RAB27B: variants seen among roughly 807,000 people sequenced by gnomAD.
RAB27B encodes the protein RAB27B, member RAS oncogene family.
In RAB27B, 15 loss-of-function variants were observed where a neutral mutation model predicts 24.6. The ratio of observed to expected loss-of-function variants is 0.61; its 90% CI spans 0.41 to 0.94. The LOEUF is 0.94. Ranked by LOEUF, RAB27B falls within the 40% of genes least tolerant of loss-of-function variation. The pLI is 0.00. For missense variants in RAB27B, 261 were observed against 266.8 expected (o/e 0.98, Z 0.15); for synonymous variants, 105 against 92.5 (o/e 1.14, Z -0.78).
At chr18:54,863,170 A>G (rs186464695) in intron 1 of RAB27B, among the ~76,000 whole-genome samples, 21 of 152,312 alleles carry the variant, frequency 1.4e-4, no homozygotes, top group Admixed American at 1.2e-3. Context: ...ACAGTACCTG[A>G]TTAAGTATAT....
At chr18:54,796,575 C>T (rs181040732) in intron 2 of RAB27B, among the ~76,000 whole-genome samples, 16 of 152,300 alleles carry the variant, frequency 1.1e-4, no homozygotes, top group Admixed American at 2.0e-4. Flanking sequence ...ACTCCCCCCT[C>T]TCTCTTACTC....
At chr18:54,744,792 C>T in intron 2 of RAB27B, 1 of 180,544 alleles carries the variant, frequency 5.5e-6, no homozygotes, top group Non-Finnish European at 1.2e-5. Context: ...AGGAGGATGT[C>T]CTCAAATTTC....
chr18:54,807,829 C>T (rs1368214311), intron 2 of RAB27B, among the ~76,000 whole-genome samples: 2 of 152,112 alleles, frequency 1.3e-5, no homozygotes, highest in Non-Finnish European at 2.9e-5. Context: ...TGTGTCTGAG[C>T]TAGAAGAAAA....
At chr18:54,861,306 T>C (rs2145237436) in intron 1 of RAB27B, among the ~76,000 whole-genome samples, 1 of 152,360 alleles carries the variant, frequency 6.6e-6, no homozygotes, top group Non-Finnish European at 1.5e-5. Context: ...AATCTTTTTC[T>C]TTATGGAGAC....
At chr18:54,786,175 T>A (rs1342179096) in intron 2 of RAB27B, among the ~76,000 whole-genome samples, 2 of 152,222 alleles carry the variant, frequency 1.3e-5, no homozygotes, top group Non-Finnish European at 2.9e-5. Context: ...GTTAGTGAAA[T>A]GTCTGAGAAA....
At chr18:54,768,224 A>T (rs910445179) in intron 2 of RAB27B, among the ~76,000 whole-genome samples, 3 of 152,146 alleles carry the variant, frequency 2.0e-5, no homozygotes, top group Non-Finnish European at 2.9e-5. Flanking sequence ...GGATTAGAGA[A>T]TGAGGTGTGT....
At chr18:54,782,560 T>C (rs954682063) in intron 2 of RAB27B, among the ~76,000 whole-genome samples, 8 of 151,402 alleles carry the variant, frequency 5.3e-5, no homozygotes, top group African/African-American at 2.0e-4. Context: ...CCTTATTGGC[T>C]ATTCTGATAT....
intron 2 of RAB27B, among the ~76,000 whole-genome samples, chr18:54,800,063 A>G (rs1031009506): frequency 6.6e-6 from 1 of 152,144 alleles, no homozygotes; most frequent in African/African-American, 2.4e-5. Flanking sequence ...GACTTAACTA[A>G]CTGTCCCTCA....
chr18:54,794,275 GTCT>G (rs1909344693), intron 2 of RAB27B, among the ~76,000 whole-genome samples: 1 of 152,118 alleles, frequency 6.6e-6, no homozygotes, highest in Non-Finnish European at 1.5e-5. Flanking sequence ...GCACACTCTA[GTCT>G]TCTTAGAACT....
At chr18:54,719,782 C>T (rs927483043) in intron 2 of RAB27B, among the ~76,000 whole-genome samples, 2 of 151,940 alleles carry the variant, frequency 1.3e-5, no homozygotes, top group African/African-American at 2.4e-5. Flanking sequence ...TTTTAAAATG[C>T]TTCCTATATT....
chr18:54,829,673 A>T (rs1268827597), intron 1 of RAB27B, among the ~76,000 whole-genome samples: 2 of 152,196 alleles, frequency 1.3e-5, no homozygotes, highest in Non-Finnish European at 2.9e-5. Flanking sequence ...ACAGGGTTTT[A>T]TGGTTATAAA....
At chr18:54,798,638 A>G (rs1432707128) in intron 2 of RAB27B, among the ~76,000 whole-genome samples, 1 of 152,230 alleles carries the variant, frequency 6.6e-6, no homozygotes. Flanking sequence ...GAAAATAGGA[A>G]AAACATAGAC....
intron 1 of RAB27B, among the ~76,000 whole-genome samples, chr18:54,873,684 CCTGTGTGTGTGTGT>C (rs1367163714): frequency 1.1e-5 from 1 of 87,756 alleles, no homozygotes; most frequent in African/African-American, 4.4e-5. Context: ...TGAGCCAAAT[CCTGTGTGTGTGTGT>C]GTGTGTGTGT....
chr18:54,761,236 A>G (rs988221647), intron 2 of RAB27B, among the ~76,000 whole-genome samples: 1 of 152,140 alleles, frequency 6.6e-6, no homozygotes, highest in African/African-American at 2.4e-5. Flanking sequence ...TTTAAGATGT[A>G]AGTCTTTGCT....
At chr18:54,773,439 G>A (rs971907081) in intron 2 of RAB27B, among the ~76,000 whole-genome samples, 13 of 152,294 alleles carry the variant, frequency 8.5e-5, no homozygotes, top group African/African-American at 2.9e-4. Context: ...GCAAAGGAAA[G>A]GGACAGAGGT....
In RAB27B at chr18:54,889,330, A is replaced by G. The variant is rs745893504; in HGVS notation, c.574A>G (p.Thr192Ala). 36 of 1,613,378 alleles carry G rather than the reference A, an allele frequency of 2.2e-5. No homozygotes were observed. Among genetic ancestry groups the G allele is most frequent in the Non-Finnish European group, 2.8e-5 (33 of 1,179,556 alleles). The change falls in exon 6 of 6, where the codon ACA becomes GCA. Residue 192 changes from threonine to alanine, a missense_variant. Physicochemically the swap from Thr to Ala is moderately conservative, Grantham distance 58. Transcript: ENST00000262094. ...MKRMEQCVEK[T>A]QIPDTVNGGN... Reference sequence around the variant, plus strand: ...GCGAATGGAACAGTGTGTGGAGAAGACACAAATCCCTGATACTGTCAATGG... The same window carrying G: ...GCGAATGGAACAGTGTGTGGAGAAGGCACAAATCCCTGATACTGTCAATGG...
intron 2 of RAB27B, among the ~76,000 whole-genome samples, chr18:54,740,084 T>G (rs1414926202): frequency 1.3e-5 from 2 of 152,218 alleles, no homozygotes; most frequent in Non-Finnish European, 2.9e-5. Flanking sequence ...ATAGTCCCAC[T>G]TACCTATTAT....
At chr18:54,881,122 T>C (rs1488530110) in intron 3 of RAB27B, among the ~76,000 whole-genome samples, 1 of 152,142 alleles carries the variant, frequency 6.6e-6, no homozygotes, top group Non-Finnish European at 1.5e-5. Context: ...GGTCTGTTTC[T>C]TCTGTGATCC....
chr18:54,858,126 C>T lies in RAB27B; in HGVS notation c.-19-19441C>T, dbSNP rs116486308. On this transcript the variant is annotated intron_variant, in intron 1 of 5. Coordinates refer to ENST00000262094, the MANE Select transcript of RAB27B (RefSeq NM_004163.4). ...TAAATATGAACTAGTTGATTAACTACCGAGTAATATTATCAGAGAAGGACA... is the reference window on the plus strand; with the variant it reads ...TAAATATGAACTAGTTGATTAACTATCGAGTAATATTATCAGAGAAGGACA... Among the ~76,000 whole-genome samples the T allele has an allele frequency of 6.7e-3, 1,017 of 152,192 alleles. 11 individuals carry two copies. Among genetic ancestry groups the T allele is most frequent in the African/African-American group, 0.023 (974 of 41,522 alleles).
Sources: allele counts gnomAD v4.1 joint callset (sites outside exome capture counted in the v4.1 genomes callset), GRCh38; gene constraint gnomAD v4.1.1; transcripts MANE v1.5; gene names NCBI Gene and HGNC (gene_info 2026-07-23, HGNC 2026-07-21).